The following ARHGEF33 variants were observed in gnomAD, a reference collection of about 807,000 sequenced individuals.
ARHGEF33 encodes the protein DH and coiled-coil domain-containing protein ENSP00000381780.
In ARHGEF33, 72 loss-of-function variants were observed where a neutral mutation model predicts 101.9. The ratio of observed to expected loss-of-function variants is 0.71; its 90% CI spans 0.58 to 0.86. ARHGEF33 has a LOEUF of 0.86. Ranked by LOEUF, ARHGEF33 falls within the 40% of genes least tolerant of loss-of-function variation. The pLI is 0.00. For synonymous variants in ARHGEF33, 499 were observed against 442.5 expected (o/e 1.13, Z -1.60); for missense variants, 1,169 against 1,111.3 (o/e 1.05, Z -0.74).
Position 38,958,108 on chromosome 2 carries a change from C to T in ARHGEF33, c.1445C>T (p.Ala482Val). Residue 482 changes from alanine (A) to valine (V), a missense_variant, in exon 15 of 18, where the codon GCA becomes GTA. By Grantham distance (64) the Ala-to-Val change is moderately conservative (BLOSUM62 0). Coordinates refer to ENST00000409978, the MANE Select transcript of ARHGEF33 (RefSeq NM_001145451.5). The part of the protein sequence containing the change: ...ANAGQDASPT[A>V]GPEAVRDTGI... ...GCTGGGCAAGATGCTTCCCCCACTG[C>T]AGGTCCTGAGGCTGTCCGTGACACT... is the stretch of plus-strand genomic sequence containing the variant. 6.4e-7 allele frequency: 1 copy of T among 1,552,186 alleles called. No individual in the cohort carries two copies. Among genetic ancestry groups the T allele is most frequent in the Non-Finnish European group, 8.7e-7 (1 of 1,147,102 alleles).
chr2:38,969,601 A>G (rs184439015), intron 17 of ARHGEF33: 31 of 168,088 alleles, frequency 1.8e-4, no homozygotes, highest in African/African-American at 6.5e-4. Context: ...AAAATGCCCA[A>G]AATATTTGGG....
intron 1 of ARHGEF33, among the ~76,000 whole-genome samples, chr2:38,892,827 C>G (rs942064400): frequency 6.6e-6 from 1 of 152,164 alleles, no homozygotes; most frequent in Non-Finnish European, 1.5e-5. Flanking sequence ...CCCTCCTTTC[C>G]TTTCTAAGAG....
At chr2:38,933,883 A>G (rs1667066580) in intron 7 of ARHGEF33, among the ~76,000 whole-genome samples, 1 of 152,218 alleles carries the variant, frequency 6.6e-6, no homozygotes, top group African/African-American at 2.4e-5. Flanking sequence ...CAGCCAATTT[A>G]TGTGAGCCAT....
At chr2:38,906,802 C>G (rs1666401250) in intron 2 of ARHGEF33, among the ~76,000 whole-genome samples, 1 of 107,110 alleles carries the variant, frequency 9.3e-6, no homozygotes, top group Non-Finnish European at 1.8e-5. Flanking sequence ...AACCCTGTAT[C>G]TACAAAAAAA....
rs1435102560 is a variant in ARHGEF33, at chr2:38,960,576, C to T, written c.2271C>T (p.Arg757=). The T allele has an allele frequency of 2.3e-6, 3 of 1,296,240 alleles. No homozygotes were observed. The highest frequency in any genetic ancestry group is 3.0e-6 in the Non-Finnish European group (3 of 1,003,890). The allele number at this position is 1,296,240 out of a possible 1,614,324, so 80.3% of individuals were successfully genotyped here. Residue 757 remains arginine (R), a synonymous_variant, in exon 16 of 18, where the codon CGC becomes CGT. Coordinates refer to ENST00000409978, the MANE Select transcript of ARHGEF33 (RefSeq NM_001145451.5). ...CGGCCGCCGCCGCCGTCGCCGCCCG[C>T]GGCGCATCCAGGACCTTCTTCCCCC... ...HGPAAAAVAA[R]GASRTFFPQQ...
chr2:38,941,384 C>A (rs1179595241), intron 9 of ARHGEF33, among the ~76,000 whole-genome samples: 1 of 152,100 alleles, frequency 6.6e-6, no homozygotes, highest in East Asian at 1.9e-4. Flanking sequence ...CATAATTTTG[C>A]AAAATGCTTT....
intron 14 of ARHGEF33, 173 bp from the exon 15 acceptor site, chr2:38,957,861 G>T: frequency 1.4e-6 from 1 of 719,592 alleles, no homozygotes; most frequent in South Asian, 2.0e-5. Context: ...CCCTAGTCCT[G>T]CCAGCTTGCA....
intron 4 of ARHGEF33, among the ~76,000 whole-genome samples, chr2:38,925,159 A>G (rs1463622384): frequency 6.6e-6 from 1 of 152,256 alleles, no homozygotes; most frequent in East Asian, 1.9e-4. Flanking sequence ...AGAACAAAAT[A>G]GAAGGAAATG....
chr2:38,896,747 A>C (rs910120074), intron 2 of ARHGEF33, among the ~76,000 whole-genome samples: 1 of 152,208 alleles, frequency 6.6e-6, no homozygotes, highest in African/African-American at 2.4e-5. Context: ...TTCAAAACCC[A>C]AAAGTGCTCA....
At chr2:38,947,746 C>T (rs138209115) in intron 10 of ARHGEF33, among the ~76,000 whole-genome samples, 68 of 152,260 alleles carry the variant, frequency 4.5e-4, no homozygotes, top group African/African-American at 1.6e-3. Flanking sequence ...CAGTGATCAG[C>T]TCAGCAGGAT....
At chr2:38,896,913 CT>C (rs1309332291) in intron 2 of ARHGEF33, among the ~76,000 whole-genome samples, 2 of 152,002 alleles carry the variant, frequency 1.3e-5, no homozygotes, top group African/African-American at 4.8e-5. Flanking sequence ...GCCCGGCATA[CT>C]TTTCTTTTTT....
At chr2:38,947,547 C>T (rs775308949) in intron 10 of ARHGEF33, among the ~76,000 whole-genome samples, 1 of 152,202 alleles carries the variant, frequency 6.6e-6, no homozygotes, top group Non-Finnish European at 1.5e-5. Context: ...CCACCCTGTG[C>T]TCTTATACAT....
intron 2 of ARHGEF33, among the ~76,000 whole-genome samples, chr2:38,898,698 C>A (rs1400544005): frequency 6.6e-6 from 1 of 152,170 alleles, no homozygotes; most frequent in East Asian, 1.9e-4. Context: ...ATTAGTTTTA[C>A]ATCCTGCTTC....
chr2:38,919,508 G>T, intron 3 of ARHGEF33, 36 bp downstream of exon 3: 1 of 1,550,826 alleles, frequency 6.4e-7, no homozygotes, highest in South Asian at 1.2e-5. Flanking sequence ...TAGGACTTAG[G>T]ATTCAAGGAA....
At chr2:38,971,111 G>A (rs1331324704) in intron 17 of ARHGEF33, among the ~76,000 whole-genome samples, 1 of 152,174 alleles carries the variant, frequency 6.6e-6, no homozygotes, top group Admixed American at 6.5e-5. Context: ...TTTCAAGGAG[G>A]ATAGTCTTTC....
chr2:38,934,257 C>G (rs1182155167), intron 7 of ARHGEF33, among the ~76,000 whole-genome samples: 1 of 152,178 alleles, frequency 6.6e-6, no homozygotes, highest in African/African-American at 2.4e-5. Flanking sequence ...TTTCTGGATG[C>G]TCCTTCTTAG....
rs1000159988 is a variant in ARHGEF33, at chr2:38,890,252, G to A, written c.-159+266G>A. Among the ~76,000 whole-genome samples, 4 of 152,140 alleles carry A rather than the reference G, an allele frequency of 2.6e-5. No homozygotes were observed. The South Asian group carries it at 8.3e-4, about 32-fold the overall frequency. On this transcript the variant is annotated intron_variant, in intron 1 of 17. Transcript: ENST00000409978. ...ATAAACTGGAGACTGAAGTTGTTCT[G>A]CATATTAATAAATATAGTTGAAGAT...
At chr2:38,907,450 G>A (rs1325496507) in intron 2 of ARHGEF33, among the ~76,000 whole-genome samples, 1 of 152,140 alleles carries the variant, frequency 6.6e-6, no homozygotes, top group East Asian at 1.9e-4. Flanking sequence ...ATTCTCCCAG[G>A]AGGGGCAGCA....
intron 2 of ARHGEF33, among the ~76,000 whole-genome samples, chr2:38,906,954 A>G (rs531398830): frequency 6.6e-6 from 1 of 152,242 alleles, no homozygotes; most frequent in East Asian, 1.9e-4. Flanking sequence ...CCTGTCTCAA[A>G]AAAAGATGAT....
Sources: gnomAD v4.1 joint callset for allele counts (sites outside exome capture counted in the v4.1 genomes callset) on GRCh38, gnomAD v4.1.1 for gene constraint, MANE v1.5 for transcripts, NCBI Gene and HGNC (gene_info 2026-07-23, HGNC 2026-07-21) for gene names.